STK10: variants seen among roughly 807,000 people sequenced by gnomAD.
STK10 encodes the protein serine/threonine-protein kinase 10.
Under a neutral mutation model 113.8 loss-of-function variants are expected in STK10, and 78 were observed. The observed-to-expected ratio is 0.69, with a 90% CI of 0.57 to 0.83. The LOEUF is 0.83. STK10 is among the 40% of genes least tolerant of loss of function. STK10 has a pLI of 0.00. For missense variants in STK10, 1,109 were observed against 1,280.1 expected (o/e 0.87, Z 2.04); for synonymous variants, 465 against 494.7 (o/e 0.94, Z 0.80).
At chr5:172,130,815 C>CAGCACAAA (rs1769738447) in intron 2 of STK10, among the ~76,000 whole-genome samples, 2 of 152,124 alleles carry the variant, frequency 1.3e-5, no homozygotes, top group African/African-American at 4.8e-5. Flanking sequence ...AAAAGCCACA[C>CAGCACAAA]AGTTAATATG....
rs1047312599 is a variant in STK10, at chr5:172,120,884, C to T, written c.371-3254G>A. Reference sequence around the variant, plus strand: ...ATGATGAAGATAATTATGATCTAATCACCACCATTTTTGGAGCCCTTATAA... The same window carrying T: ...ATGATGAAGATAATTATGATCTAATTACCACCATTTTTGGAGCCCTTATAA... On this transcript the variant is annotated intron_variant, in intron 3 of 18. Coordinates refer to ENST00000176763, the MANE Select transcript of STK10 (RefSeq NM_005990.4). The surrounding 1 kb of genome is among the most constrained non-coding windows in gnomAD (Gnocchi z 4.0). 6.6e-6 allele frequency among the ~76,000 whole-genome samples: 1 copy of T among 152,116 alleles called. No individual in the cohort carries two copies. Among genetic ancestry groups the T allele is most frequent in the East Asian group, 1.9e-4 (1 of 5,186 alleles).
chr5:172,055,759 C>A lies in STK10; in HGVS notation c.2355G>T (p.Gln785His). Residue 785 changes from glutamine (Q) to histidine (H), a missense_variant, in exon 16 of 19, where the codon CAG becomes CAT. By Grantham distance (24) the Gln-to-His change is conservative. Transcript: ENST00000176763. ...GCTCTATCATGCGCTGGTTGTAGCGCTGCATCTGCTCCCGCTCCTGGAGAG... is the reference window on the plus strand; with the variant it reads ...GCTCTATCATGCGCTGGTTGTAGCGATGCATCTGCTCCCGCTCCTGGAGAG... ...RKHEKEREQMQRYNQRMIEQL... is the reference protein window; with the variant it reads ...RKHEKEREQMHRYNQRMIEQL... 6.6e-7 allele frequency: 1 copy of A among 1,511,330 alleles called. No individual in the cohort carries two copies. Among genetic ancestry groups the A allele is most frequent in the Admixed American group, 2.1e-5 (1 of 47,034 alleles). 93.6% of individuals were successfully genotyped at this position (1,511,330 alleles called of 1,614,324 possible). A position where few individuals can be genotyped will look rare whatever the true frequency, so the allele number is the denominator to read the frequency against.
Position 172,117,468 on chromosome 5 carries a change from C to A in STK10, c.520+13G>T. On this transcript the variant is annotated intron_variant, in intron 4 of 18. Coordinates refer to ENST00000176763, the MANE Select transcript of STK10 (RefSeq NM_005990.4). ...ACCCTGTGGCTCCACCTTTCCCACC[C>A]TGAGCCCCTTACCCAGCCTGATGTC... 1 of 1,609,492 alleles carries A rather than the reference C, an allele frequency of 6.2e-7. No homozygotes were observed. Among genetic ancestry groups the A allele is most frequent in the African/African-American group, 1.3e-5 (1 of 74,926 alleles).
intron 3 of STK10, among the ~76,000 whole-genome samples, chr5:172,126,431 G>A (rs190406177): frequency 3.9e-5 from 6 of 152,268 alleles, no homozygotes; most frequent in East Asian, 1.9e-4. Context: ...GGGCATGGTC[G>A]TGGGCACCTG....
At chr5:172,137,724 CAAAAAA>C (rs34773105) in intron 2 of STK10, among the ~76,000 whole-genome samples, 1 of 91,036 alleles carries the variant, frequency 1.1e-5, no homozygotes, top group African/African-American at 3.9e-5. Flanking sequence ...ACTAAAAATA[CAAAAAA>C]AAAAAAAAAA....
chr5:172,159,616 A>G (rs112042626), intron 1 of STK10, among the ~76,000 whole-genome samples: 26,355 of 150,058 alleles, frequency 0.18, 2,318 homozygotes, highest in East Asian at 0.27. Flanking sequence ...GAGCTCAGAA[A>G]TTCGAGACCA....
At chr5:172,155,673 G>A (rs750229104) in intron 2 of STK10, among the ~76,000 whole-genome samples, 17 of 151,930 alleles carry the variant, frequency 1.1e-4, no homozygotes, top group Non-Finnish European at 2.4e-4. Flanking sequence ...GTCAGAAGAT[G>A]GATTTCTTTG....
chr5:172,059,411 T>G (rs1411217663), intron 14 of STK10, among the ~76,000 whole-genome samples: 2 of 124,954 alleles, frequency 1.6e-5, no homozygotes, highest in African/African-American at 6.4e-5. Context: ...GATGACACAG[T>G]GAGACAGCGA....
At chr5:172,055,805 G>C in intron 15 of STK10, 29 bp from the exon 16 acceptor site, 1 of 1,434,242 alleles carries the variant, frequency 7.0e-7, no homozygotes, top group East Asian at 2.6e-5. Context: ...AGGGGCTGAG[G>C]GCAGCTGCAC....
intron 2 of STK10, among the ~76,000 whole-genome samples, chr5:172,145,918 C>T (rs967274443): frequency 1.3e-5 from 2 of 152,244 alleles, no homozygotes; most frequent in Non-Finnish European, 2.9e-5. Flanking sequence ...TCCATAGAGA[C>T]AGCCCTGCAC....
chr5:172,050,873 C>T (rs1485675707), intron 18 of STK10, among the ~76,000 whole-genome samples: 2 of 151,744 alleles, frequency 1.3e-5, no homozygotes, highest in East Asian at 1.9e-4. Context: ...CCACTGTGCC[C>T]GGCTAATTTT....
intron 1 of STK10, among the ~76,000 whole-genome samples, chr5:172,172,754 T>C (rs1041104549): frequency 6.6e-6 from 1 of 151,482 alleles, no homozygotes; most frequent in Admixed American, 6.6e-5. Context: ...CTGAGGCGGG[T>C]GGATCACTTG....
rs1207527903 is a variant in STK10 at position 172,155,919 on chromosome 5, C to T, written c.321+705G>A. Among the ~76,000 whole-genome samples the T allele has an allele frequency of 4.6e-5, 7 of 151,870 alleles. No homozygotes were observed. The East Asian group carries it at 1.2e-3, about 25-fold the overall frequency. On this transcript the variant is annotated intron_variant, in intron 2 of 18. Coordinates refer to ENST00000176763, the MANE Select transcript of STK10 (RefSeq NM_005990.4). Reference sequence around the variant, plus strand: ...CTGAGGCAGGAGAATTGCTTGAAGCCGGGAGGCGGAGGGTGTAGTGAGCCA... The same window carrying T: ...CTGAGGCAGGAGAATTGCTTGAAGCTGGGAGGCGGAGGGTGTAGTGAGCCA...
At chr5:172,184,792 T>C (rs1770922088) in intron 1 of STK10, among the ~76,000 whole-genome samples, 2 of 151,960 alleles carry the variant, frequency 1.3e-5, no homozygotes, top group South Asian at 2.1e-4. Flanking sequence ...GCTGGGATTA[T>C]AGGGCACGCG....
intron 2 of STK10, among the ~76,000 whole-genome samples, chr5:172,146,020 C>G (rs1384884353): frequency 6.6e-6 from 1 of 152,234 alleles, no homozygotes; most frequent in African/African-American, 2.4e-5. Flanking sequence ...CGCACACACA[C>G]ACACTGTGTG....
chr5:172,054,581 C>T lies in STK10; in HGVS notation c.2640G>A (p.Leu880=). 1 of 1,606,888 alleles carries T rather than the reference C, an allele frequency of 6.2e-7. No homozygotes were observed. The highest frequency in any genetic ancestry group is 8.5e-7 in the Non-Finnish European group (1 of 1,179,566). The change falls in exon 17 of 19, where the codon CTG becomes CTA. Residue 880 remains leucine (L), a synonymous_variant. Coordinates refer to ENST00000176763, the MANE Select transcript of STK10 (RefSeq NM_005990.4). ...LAQCESNMSE[L]QQLQNEKCHL... The stretch of plus-strand genomic sequence containing the variant: ...GGCAGGGCGGTACCTGCAGCTGCTG[C>T]AGCTCGCTCATGTTGCTCTCACACT...
At chr5:172,045,072 C>A (rs781774395) in intron 18 of STK10, 50 bp from the exon 19 acceptor site, 1 of 1,601,462 alleles carries the variant, frequency 6.2e-7, no homozygotes, top group Non-Finnish European at 8.5e-7. Context: ...GCAGGCCACA[C>A]GTGGGTCTCC....
chr5:172,099,789 G>A lies in STK10; in HGVS notation c.871-3229C>T, dbSNP rs145351310. 2.8e-3 allele frequency among the ~76,000 whole-genome samples: 432 copies of A among 152,332 alleles called. 3 individuals carry two copies. The highest frequency in any genetic ancestry group is 9.5e-3 in the African/African-American group (397 of 41,574). On this transcript the variant is annotated intron_variant, in intron 7 of 18. Transcript: ENST00000176763. ...TCACTGCAGTGGCTGAAGCAGACGC[G>A]GCAGAAATAAATAAACACAGGCAGG...
At chr5:172,180,594 C>A (rs1770837292) in intron 1 of STK10, among the ~76,000 whole-genome samples, 1 of 151,906 alleles carries the variant, frequency 6.6e-6, no homozygotes, top group African/African-American at 2.4e-5. Flanking sequence ...AGTTCAAGAC[C>A]AGCCTGGCCA....
Sources: allele counts gnomAD v4.1 joint callset (sites outside exome capture counted in the v4.1 genomes callset), GRCh38; gene constraint gnomAD v4.1.1; non-coding constraint Gnocchi (gnomAD v3.1); transcripts MANE v1.5; gene names NCBI Gene and HGNC (gene_info 2026-07-23, HGNC 2026-07-21).